UBE2F: variants seen among roughly 807,000 people sequenced by gnomAD.
UBE2F encodes NEDD8-conjugating enzyme UBE2F.
A neutral mutation model predicts 29.6 loss-of-function variants in UBE2F; 5 were observed. That is an observed-to-expected ratio of 0.17 (90% CI 0.09 to 0.36). The LOEUF (loss-of-function observed/expected upper bound fraction) is 0.36. Ranked by LOEUF, UBE2F falls within the 10% of genes least tolerant of loss-of-function variation. The pLI is 1.00. For synonymous variants in UBE2F, 66 were observed against 81.8 expected, an observed-to-expected ratio of 0.81 and a Z score of 1.04; for missense variants, 141 against 228.5, an observed-to-expected ratio of 0.62 and a Z score of 2.47.
intron 5 of UBE2F, among the ~76,000 whole-genome samples, chr2:238,020,352 A>G (rs2064263565): frequency 6.6e-6 from 1 of 152,178 alleles, no homozygotes; most frequent in African/African-American, 2.4e-5. Flanking sequence ...AAAATCACAT[A>G]GGCACAGGCA....
chr2:237,993,919 G>A (rs750204523), intron 3 of UBE2F, among the ~76,000 whole-genome samples: 23 of 152,058 alleles, frequency 1.5e-4, no homozygotes, highest in Non-Finnish European at 2.2e-4. Context: ...TCCTGATTCA[G>A]GCCTCTTATG....
Position 238,025,493 on chromosome 2 carries a change from T to C in UBE2F, c.353+81T>C, listed in dbSNP as rs548243633. The C allele has an allele frequency of 7.2e-4, 943 of 1,314,760 alleles. 23 individuals are homozygous for C. In the South Asian group the frequency reaches 0.011, roughly 15 times the overall value. 81.4% of individuals were successfully genotyped at this position (1,314,760 alleles called of 1,614,324 possible). ...GGGCTTTTAAACATGTTGTCTCCTCTGAAAAGATTTTGAGGCATGGCCAAG... is the reference window on the plus strand; with the variant it reads ...GGGCTTTTAAACATGTTGTCTCCTCCGAAAAGATTTTGAGGCATGGCCAAG... On this transcript the variant is annotated intron_variant, in intron 6 of 9. Coordinates refer to ENST00000272930, the MANE Select transcript of UBE2F (RefSeq NM_080678.3).
At position 238,035,893 on chromosome 2, in the gene UBE2F, G is replaced by A; in HGVS notation, c.460G>A (p.Asp154Asn). 2 of 1,612,554 alleles carry A rather than the reference G, an allele frequency of 1.2e-6. 1 individual carries two copies. Among genetic ancestry groups the A allele is most frequent in the South Asian group, 2.2e-5 (2 of 90,986 alleles). The change falls in exon 9 of 10, where the codon GAT becomes AAT. Residue 154 changes from aspartate (D) to asparagine (N), a missense_variant. Transcript: ENST00000272930. ...NSLFTDLLNF[D>N]DPLNIEAAEH... is the part of the protein sequence containing the mutation. ...TCTTTTTAAGGATCTTTTGAATTTT[G>A]ATGATCCACTGAATATTGAAGCTGC...
intron 3 of UBE2F, among the ~76,000 whole-genome samples, chr2:237,993,884 G>A (rs1314649741): frequency 6.6e-6 from 1 of 152,166 alleles, no homozygotes; most frequent in East Asian, 1.9e-4. Context: ...GCAGCCAGTA[G>A]CTTCTCTCCC....
intron 4 of UBE2F, among the ~76,000 whole-genome samples, chr2:238,013,770 G>A (rs1236816427): frequency 6.6e-6 from 1 of 152,204 alleles, no homozygotes; most frequent in East Asian, 1.9e-4. Flanking sequence ...CACAAGGAAA[G>A]AGGAGGATAA....
intron 7 of UBE2F, among the ~76,000 whole-genome samples, chr2:238,031,323 G>A (rs1055814652): frequency 1.3e-5 from 2 of 152,256 alleles, no homozygotes; most frequent in Admixed American, 6.5e-5. Context: ...TCAGATGGCT[G>A]TCATTGCCTC....
chr2:238,008,124 C>G (rs557314500), intron 4 of UBE2F, among the ~76,000 whole-genome samples: 5 of 151,858 alleles, frequency 3.3e-5, no homozygotes, highest in Admixed American at 1.3e-4. Flanking sequence ...TGGGCAGATG[C>G]ACTACCATGT....
intron 3 of UBE2F, 53 bp from the exon 4 acceptor site, chr2:237,994,691 A>G: frequency 6.9e-7 from 1 of 1,445,926 alleles, no homozygotes; most frequent in Non-Finnish European, 9.7e-7. Flanking sequence ...TAGCGTCAAC[A>G]TATGGACTGC....
At chr2:238,028,655 A>C (rs900108878) in intron 6 of UBE2F, among the ~76,000 whole-genome samples, 2 of 152,216 alleles carry the variant, frequency 1.3e-5, no homozygotes, top group Non-Finnish European at 2.9e-5. Context: ...GTAAATTTTA[A>C]TGGTCAATTT....
chr2:237,999,895 G>C (rs2063761640), intron 4 of UBE2F, among the ~76,000 whole-genome samples: 1 of 149,204 alleles, frequency 6.7e-6, no homozygotes, highest in African/African-American at 2.5e-5. Flanking sequence ...CGCGATCTCA[G>C]CTCACTGCAA....
At chr2:237,974,503 T>G (rs1252935759) in intron 2 of UBE2F, among the ~76,000 whole-genome samples, 3 of 38,212 alleles carry the variant, frequency 7.9e-5, no homozygotes, top group African/African-American at 2.2e-4. Context: ...TTTTTGTGGT[T>G]TTTTTTTTTT....
intron 1 of UBE2F, chr2:237,969,006 A>G (rs2063116809): frequency 4.9e-6 from 1 of 206,072 alleles, no homozygotes; most frequent in African/African-American, 2.4e-5. Flanking sequence ...TTCCCAAATT[A>G]GGCCTTGGGT....
At chr2:238,016,781 G>A in intron 5 of UBE2F, 148 bp downstream of exon 5, 1 of 654,532 alleles carries the variant, frequency 1.5e-6, no homozygotes, top group Non-Finnish European at 2.6e-6. Flanking sequence ...TGTGATGAAT[G>A]TCACTCATCA....
intron 4 of UBE2F, among the ~76,000 whole-genome samples, chr2:238,009,222 A>G (rs1405406391): frequency 6.6e-6 from 1 of 152,122 alleles, no homozygotes; most frequent in East Asian, 1.9e-4. Flanking sequence ...TCTTTTTATC[A>G]CACTTGGGGT....
intron 3 of UBE2F, 66 bp from the exon 4 acceptor site, chr2:237,994,678 G>T (rs1399573781): frequency 1.5e-6 from 2 of 1,319,208 alleles, no homozygotes; most frequent in African/African-American, 1.4e-5. Context: ...CGTGTTCAAA[G>T]GTTAGCGTCA....
intron 1 of UBE2F, among the ~76,000 whole-genome samples, chr2:237,971,092 C>T (rs1244768083): frequency 6.6e-6 from 1 of 152,174 alleles, no homozygotes; most frequent in East Asian, 1.9e-4. Flanking sequence ...GTGTGAGAAA[C>T]TGTGTAAGAG....
chr2:237,978,943 G>T (rs1423747696), intron 2 of UBE2F, among the ~76,000 whole-genome samples: 2 of 152,168 alleles, frequency 1.3e-5, no homozygotes, highest in African/African-American at 4.8e-5. Context: ...CCTGTCTGAA[G>T]TTTGGCACTG....
At chr2:237,987,795 G>A (rs932304343) in intron 2 of UBE2F, among the ~76,000 whole-genome samples, 168 bp from the exon 3 acceptor site, 5 of 151,022 alleles carry the variant, frequency 3.3e-5, no homozygotes, top group African/African-American at 1.2e-4. Flanking sequence ...TTTGTATATC[G>A]AAAGCAGCTA....
intron 9 of UBE2F, among the ~76,000 whole-genome samples, chr2:238,036,647 C>A (rs2064716030): frequency 1.3e-5 from 2 of 152,100 alleles, no homozygotes; most frequent in African/African-American, 4.8e-5. Flanking sequence ...CCAGCCTGGG[C>A]AACATGGCAA....
Sources: gnomAD v4.1 joint callset for allele counts (sites outside exome capture counted in the v4.1 genomes callset) on GRCh38, gnomAD v4.1.1 for gene constraint, MANE v1.5 for transcripts, NCBI Gene and HGNC (gene_info 2026-07-23, HGNC 2026-07-21) for gene names.